SRGAP2C: variants seen among roughly 807,000 people sequenced by gnomAD.
SRGAP2C encodes SLIT-ROBO Rho GTPase activating protein 2C.
A neutral mutation model predicts 25.1 loss-of-function variants in SRGAP2C; 15 were observed. The ratio of observed to expected loss-of-function variants is 0.60; its 90% CI spans 0.40 to 0.92. The LOEUF is 0.92. Among genes scored for constraint, SRGAP2C ranks in the 40% least tolerant of loss-of-function variants. The pLI is 0.00. For missense variants in SRGAP2C, 144 were observed against 264.4 expected, an observed-to-expected ratio of 0.54 and a Z score of 3.16; for synonymous variants, 44 against 96.6, an observed-to-expected ratio of 0.46 and a Z score of 3.19.
At chr1:121,223,321 TTA>T (rs1655580429) in intron 2 of SRGAP2C, among the ~76,000 whole-genome samples, 1 of 134,178 alleles carries the variant, frequency 7.5e-6, no homozygotes. Context: ...GACTTTTTTA[TTA>T]TTATTATTTT....
chr1:121,221,929 C>A (rs1469509519), intron 2 of SRGAP2C, among the ~76,000 whole-genome samples: 1 of 152,084 alleles, frequency 6.6e-6, no homozygotes, highest in African/African-American at 2.4e-5. Flanking sequence ...TGCTAGCGTC[C>A]TAGCCATGCA....
At chr1:121,218,646 C>T (rs1444475946) in intron 2 of SRGAP2C, among the ~76,000 whole-genome samples, 1 of 149,534 alleles carries the variant, frequency 6.7e-6, no homozygotes, top group Non-Finnish European at 1.5e-5. Context: ...ACTCGGGAGG[C>T]TAAGGCACGA....
intron 2 of SRGAP2C, among the ~76,000 whole-genome samples, chr1:121,233,167 G>GA (rs1655862382): frequency 7.5e-6 from 1 of 133,086 alleles, no homozygotes; most frequent in African/African-American, 2.8e-5. Context: ...TTTTTTTTGA[G>GA]ACAGAGTCTT....
chr1:121,314,245 C>G (rs1291986871), intron 3 of SRGAP2C, among the ~76,000 whole-genome samples: 1 of 140,500 alleles, frequency 7.1e-6, no homozygotes, highest in Non-Finnish European at 1.5e-5. Context: ...GCATTCTTCA[C>G]GTAGTTCTCG....
At chr1:121,374,705 CAGATGCG>C (rs1558134222) in intron 6 of SRGAP2C, 114 bp from the exon 7 acceptor site, 2 of 618,918 alleles carry the variant, frequency 3.2e-6, no homozygotes, top group African/African-American at 3.7e-5. Context: ...CAATTTAAGG[CAGATGCG>C]CATAGGGAGT....
At chr1:121,379,230 A>G (rs1266340874) in intron 7 of SRGAP2C, among the ~76,000 whole-genome samples, 2 of 152,042 alleles carry the variant, frequency 1.3e-5, no homozygotes, top group African/African-American at 4.8e-5. Flanking sequence ...TGAAACACCC[A>G]TTTTTCCTTT....
Position 121,261,117 on chromosome 1 carries a change from T to TTTG in SRGAP2C, c.68-23684_68-23683insGTT, listed in dbSNP as rs1269940157. On this transcript the variant is annotated intron_variant, in intron 2 of 9. Coordinates refer to ENST00000367123, the MANE Select transcript of SRGAP2C (RefSeq NM_001329984.2). ...CTATTTTTTTTTTTTTTTTTTTTTTTTTTTTTGTAGAGACAAGGTCTCCTT... is the reference window on the plus strand; with the variant it reads ...CTATTTTTTTTTTTTTTTTTTTTTTTTTGTTTTTTGTAGAGACAAGGTCTCCTT... Among the ~76,000 whole-genome samples, 4 of 89,136 alleles carry TTTG rather than the reference T, an allele frequency of 4.5e-5. 1 individual carries two copies. Among genetic ancestry groups the TTTG allele is most frequent in the Non-Finnish European group, 9.7e-5 (4 of 41,146 alleles). 58.5% of individuals were successfully genotyped at this position (89,136 alleles called of 152,430 possible). A position where few individuals can be genotyped will look rare whatever the true frequency, so the allele number is the denominator to read the frequency against.
chr1:121,334,492 G>A (rs1416224253), intron 4 of SRGAP2C, among the ~76,000 whole-genome samples: 1 of 149,798 alleles, frequency 6.7e-6, no homozygotes, highest in African/African-American at 2.5e-5. Flanking sequence ...AAGAGATGGA[G>A]TCTCTGTCCC....
intron 3 of SRGAP2C, among the ~76,000 whole-genome samples, chr1:121,288,513 T>A (rs1214247868): frequency 6.6e-4 from 30 of 45,186 alleles, no homozygotes; most frequent in East Asian, 1.0e-3. Flanking sequence ...TGAGCTAGAT[T>A]CAGAGTGCCG....
intron 2 of SRGAP2C, among the ~76,000 whole-genome samples, chr1:121,210,217 G>A (rs1484097012): frequency 1.3e-5 from 2 of 151,692 alleles, no homozygotes; most frequent in Non-Finnish European, 2.9e-5. Context: ...TCCCGAGTTG[G>A]ATAAATTAGG....
At position 121,279,892 on chromosome 1, in the gene SRGAP2C, C is replaced by T. The variant is rs1381248996; in HGVS notation, c.68-4911C>T. On this transcript the variant is annotated intron_variant, in intron 2 of 9. Transcript: ENST00000367123. ...GCAGAATGTGTTTAATTCATACACACGGGGAAATGGAAACCAAGAATCCGT... is the reference window on the plus strand; with the variant it reads ...GCAGAATGTGTTTAATTCATACACATGGGGAAATGGAAACCAAGAATCCGT... 1.0e-3 allele frequency among the ~76,000 whole-genome samples: 145 copies of T among 144,862 alleles called. 1 individual carries two copies. The highest frequency in any genetic ancestry group is 1.5e-3 in the African/African-American group (61 of 39,542).
intron 5 of SRGAP2C, among the ~76,000 whole-genome samples, chr1:121,370,434 A>C: frequency 3.3e-5 from 4 of 119,536 alleles, no homozygotes; most frequent in Admixed American, 9.2e-5. Flanking sequence ...CTGTTCTCAG[A>C]CTTCCTTTTT....
intron 4 of SRGAP2C, among the ~76,000 whole-genome samples, chr1:121,358,769 A>AT (rs1161491118): frequency 0.6 from 42,412 of 70,704 alleles, 14,568 homozygotes; most frequent in East Asian, 0.73. Context: ...TTGAAATCAG[A>AT]TTTTTTTTTT....
chr1:121,312,675 G>T (rs1385101866), intron 3 of SRGAP2C, among the ~76,000 whole-genome samples: 1 of 77,098 alleles, frequency 1.3e-5, no homozygotes, highest in South Asian at 3.7e-4. Context: ...CCTTCATTTT[G>T]TTATGTACCC....
chr1:121,192,173 C>T (rs1175717843), intron 2 of SRGAP2C, among the ~76,000 whole-genome samples: 1 of 151,042 alleles, frequency 6.6e-6, no homozygotes, highest in African/African-American at 2.4e-5. Context: ...TTCATGCCAA[C>T]AAAGGTCTTC....
In SRGAP2C at chr1:121,287,703, C is replaced by T. The variant is rs1202676058; in HGVS notation, c.260+2708C>T. 9.8e-4 allele frequency among the ~76,000 whole-genome samples: 150 copies of T among 152,292 alleles called. 2 individuals are homozygous for T. Among genetic ancestry groups the T allele is most frequent in the Middle Eastern group, 3.4e-3 (1 of 294 alleles). On this transcript the variant is annotated intron_variant, in intron 3 of 9. Coordinates refer to ENST00000367123, the MANE Select transcript of SRGAP2C (RefSeq NM_001329984.2). The stretch of plus-strand genomic sequence containing the variant: ...TCAAGAATGAGGCCGCGGACCCTCG[C>T]GGTGAGTGTTACAGCTCTTAAGGTG...
rs587718397 is a variant in SRGAP2C, at chr1:121,375,790, G to A, written c.831+836G>A. On this transcript the variant is annotated intron_variant, in intron 7 of 9. Transcript: ENST00000367123. ...ACTCTCACATCACCATTATGGGTAA[G>A]CATTGCTGTCTCCAGTTGCTAGATA... Among the ~76,000 whole-genome samples the A allele has an allele frequency of 1.3e-4, 20 of 151,966 alleles. No homozygotes were observed. In the South Asian group the frequency reaches 3.6e-3, roughly 27 times the overall value.
chr1:121,321,235 G>A (rs1553341107), intron 3 of SRGAP2C, among the ~76,000 whole-genome samples: 87 of 135,730 alleles, frequency 6.4e-4, no homozygotes, highest in Middle Eastern at 3.6e-3. Flanking sequence ...ATGTGTCACC[G>A]TTTTTTAAAT....
At chr1:121,254,160 ACCTCAG>A (rs1451668936) in intron 2 of SRGAP2C, among the ~76,000 whole-genome samples, 2 of 137,956 alleles carry the variant, frequency 1.4e-5, no homozygotes, top group East Asian at 4.7e-4. Flanking sequence ...TCCTCCACTC[ACCTCAG>A]CCTCCCAAAG....
Sources: gnomAD v4.1 joint callset for allele counts (sites outside exome capture counted in the v4.1 genomes callset) on GRCh38, gnomAD v4.1.1 for gene constraint, MANE v1.5 for transcripts, NCBI Gene and HGNC (gene_info 2026-07-23, HGNC 2026-07-21) for gene names.